ZNF528: variants seen among roughly 807,000 people sequenced by gnomAD.
ZNF528 encodes the protein zinc finger protein 528.
In ZNF528, 9 loss-of-function variants were observed where a neutral mutation model predicts 13.3. The ratio of observed to expected loss-of-function variants is 0.67; its 90% CI spans 0.41 to 1.18. The LOEUF is 1.18. Among genes scored for constraint, ZNF528 ranks in the 50% most tolerant of loss-of-function variants. ZNF528 has a pLI of 0.01. For missense variants in ZNF528, 858 were observed against 745.4 expected (o/e 1.15, Z -1.76); for synonymous variants, 264 against 254.3 (o/e 1.04, Z -0.36).
At chr19:52,410,940 T>A (rs2058923382) in intron 6 of ZNF528, among the ~76,000 whole-genome samples, 1 of 152,216 alleles carries the variant, frequency 6.6e-6, no homozygotes, top group Non-Finnish European at 1.5e-5. Flanking sequence ...ATAATGTGTC[T>A]TTACCAAGAA....
rs370292428 is a variant in ZNF528, at chr19:52,415,108, T to C, written c.272-16T>C. On this transcript the variant is annotated splice_polypyrimidine_tract_variant and intron_variant, in intron 6 of 6. Coordinates refer to ENST00000360465, the MANE Select transcript of ZNF528 (RefSeq NM_032423.3). ...TTATCATGGGTTGAAGTTCCACTTT[T>C]TTCTTTCTGTTTTAGAGAGGAGCTC... 1.1e-4 allele frequency: 175 copies of C among 1,609,934 alleles called. No homozygotes were observed. The African/African-American group carries it at 1.8e-3, about 16-fold the overall frequency.
Position 52,416,040 on chromosome 19 carries a change from G to T in ZNF528, c.1188G>T (p.Leu396=), listed in dbSNP as rs778210995. 6 of 1,613,914 alleles carry T rather than the reference G, an allele frequency of 3.7e-6. No individual in the cohort carries two copies. Among genetic ancestry groups the T allele is most frequent in the Non-Finnish European group, 2.5e-6 (3 of 1,180,026 alleles). The change falls in exon 7 of 7, where the codon CTG becomes CTT. Residue 396 remains leucine, a synonymous_variant. Transcript: ENST00000360465. ...AGGTCTTTGGGCGCAAGTGTTTCCT[G>T]ACCTCTCATCAGAGAATTCATACTA... is the stretch of plus-strand genomic sequence containing the variant. ...CDKVFGRKCF[L]TSHQRIHTRE...
intron 4 of ZNF528, among the ~76,000 whole-genome samples, chr19:52,405,433 A>T (rs1191225970): frequency 1.3e-5 from 2 of 152,072 alleles, no homozygotes; most frequent in African/African-American, 2.4e-5. Context: ...CCAGAGGCTG[A>T]GGTTGGAGGA....
Position 52,405,965 on chromosome 19 carries a change from T to C in ZNF528, c.74T>C (p.Leu25Pro). ...TTCTCTCAGGAAGAGTGGAAATGCC[T>C]GGACCCTGCGCAGAGGACTTTATAC... Reference protein sequence around the residue: ...IEFSQEEWKCLDPAQRTLYRD... With the variant: ...IEFSQEEWKCPDPAQRTLYRD... The change falls in exon 5 of 7, where the codon CTG becomes CCG. Residue 25 changes from leucine (L) to proline (P), a missense_variant. Coordinates refer to ENST00000360465, the MANE Select transcript of ZNF528 (RefSeq NM_032423.3). The C allele has an allele frequency of 6.2e-7, 1 of 1,612,354 alleles. No homozygotes were observed. Among genetic ancestry groups the C allele is most frequent in the Non-Finnish European group, 8.5e-7 (1 of 1,178,754 alleles).
chr19:52,417,451 GACC>G lies in ZNF528; in HGVS notation c.*714_*716del, dbSNP rs1263521660. The G allele has an allele frequency of 1.3e-5, 2 of 157,136 alleles. No individual in the cohort carries two copies. The highest frequency in any genetic ancestry group is 1.3e-4 in the Admixed American group (2 of 15,434). The allele number at this position is 157,136 out of a possible 1,614,324, so 9.7% of individuals were successfully genotyped here. A position where few individuals can be genotyped will look rare whatever the true frequency, so the allele number is the denominator to read the frequency against. On this transcript the variant is annotated 3_prime_UTR_variant, in exon 7 of 7. Transcript: ENST00000360465. Reference sequence around the variant, plus strand: ...CACAGAGCTTCAGTGTCCACCAACTGACCATGAAATAGAGTATGCTGTAATCTT... The same window carrying G: ...CACAGAGCTTCAGTGTCCACCAACTGATGAAATAGAGTATGCTGTAATCTT...
At chr19:52,410,045 A>T (rs1464584446) in intron 6 of ZNF528, among the ~76,000 whole-genome samples, 1 of 151,886 alleles carries the variant, frequency 6.6e-6, no homozygotes, top group African/African-American at 2.4e-5. Context: ...CAAGTTATCC[A>T]TCCCCCCTTG....
chr19:52,415,512 G>C lies in ZNF528; in HGVS notation c.660G>C (p.Lys220Asn), dbSNP rs1421198256. 6.2e-7 allele frequency: 1 copy of C among 1,614,182 alleles called. No individual in the cohort carries two copies. Among genetic ancestry groups the C allele is most frequent in the Non-Finnish European group, 8.5e-7 (1 of 1,180,034 alleles). Residue 220 changes from lysine (K) to asparagine (N), a missense_variant, in exon 7 of 7, where the codon AAG becomes AAC. Transcript: ENST00000360465. ...CTTACAAATGCAGTGAATGTGGCAA[G>C]GTCTTTAGTTGCAGTTCAAAGCTTG... ...DNPYKCSECGKVFSCSSKLVI... is the reference protein window; with the variant it reads ...DNPYKCSECGNVFSCSSKLVI...
intron 4 of ZNF528, 149 bp from the exon 5 acceptor site, chr19:52,405,758 A>G: frequency 1.0e-6 from 1 of 970,148 alleles, no homozygotes. Flanking sequence ...CCACAATTAC[A>G]GACACGTAAC....
At chr19:52,406,827 G>A in intron 6 of ZNF528, 184 bp downstream of exon 6, 1 of 706,170 alleles carries the variant, frequency 1.4e-6, no homozygotes, top group Admixed American at 3.6e-5. Context: ...ATGAGCCACT[G>A]TACCCTGCAA....
At chr19:52,405,071 G>T (rs2058838728) in intron 4 of ZNF528, among the ~76,000 whole-genome samples, 1 of 151,878 alleles carries the variant, frequency 6.6e-6, no homozygotes, top group Non-Finnish European at 1.5e-5. Context: ...CAAAAAATTA[G>T]CTGGTCGTGG....
At chr19:52,404,294 C>T (rs1344171003) in intron 4 of ZNF528, among the ~76,000 whole-genome samples, 1 of 152,182 alleles carries the variant, frequency 6.6e-6, no homozygotes, top group Admixed American at 6.5e-5. Context: ...GTGGCGAGAT[C>T]TTGGCTCGCT....
At chr19:52,407,266 A>G (rs953018993) in intron 6 of ZNF528, among the ~76,000 whole-genome samples, 3 of 151,898 alleles carry the variant, frequency 2.0e-5, no homozygotes, top group Non-Finnish European at 2.9e-5. Context: ...AGCCTCCTGA[A>G]TAGCTGGGAC....
rs779127832 is a variant in ZNF528, at chr19:52,406,505, T to C, written c.143-10T>C. On this transcript the variant is annotated splice_polypyrimidine_tract_variant and intron_variant, in intron 5 of 6. Coordinates refer to ENST00000360465, the MANE Select transcript of ZNF528 (RefSeq NM_032423.3). ...CCACAGCACACATTTATTCTTTCTT[T>C]TATAAATAGGAATCTGTCTTCCTGA... is the stretch of plus-strand genomic sequence containing the variant. 8.7e-6 allele frequency: 14 copies of C among 1,612,038 alleles called. No homozygotes were observed. The highest frequency in any genetic ancestry group is 6.7e-5 in the Admixed American group (4 of 59,332).
rs747583077 is a variant in ZNF528 at position 52,415,774 on chromosome 19, C to A, written c.922C>A (p.Gln308Lys). The A allele has an allele frequency of 2.4e-5, 38 of 1,613,776 alleles. No individual in the cohort carries two copies. The highest frequency in any genetic ancestry group is 3.0e-5 in the Non-Finnish European group (35 of 1,179,996). Reference sequence around the variant, plus strand: ...TCATGAATGTGACAAGGTCTTCAATCAAATTGCACACCTTGTACGACATCA... The same window carrying A: ...TCATGAATGTGACAAGGTCTTCAATAAAATTGCACACCTTGTACGACATCA... ...KCHECDKVFN[Q>K]IAHLVRHQKI... The change falls in exon 7 of 7, where the codon CAA becomes AAA. Residue 308 changes from glutamine (Q) to lysine (K), a missense_variant. Transcript: ENST00000360465.
At chr19:52,403,323 C>T (rs1245755162) in intron 4 of ZNF528, among the ~76,000 whole-genome samples, 7 of 152,006 alleles carry the variant, frequency 4.6e-5, no homozygotes, top group African/African-American at 1.7e-4. Flanking sequence ...TATTGAGACC[C>T]TGTGTCTAAA....
intron 6 of ZNF528, chr19:52,414,524 G>A: frequency 3.6e-6 from 2 of 555,946 alleles, no homozygotes; most frequent in Non-Finnish European, 6.4e-6. Flanking sequence ...TTGCAAGACT[G>A]CATTCTTTGA....
Position 52,407,315 on chromosome 19 carries a change from T to C in ZNF528, c.271+672T>C, listed in dbSNP as rs528378555. Among the ~76,000 whole-genome samples, 404 of 152,202 alleles carry C rather than the reference T, an allele frequency of 2.7e-3. 2 individuals carry two copies. The highest frequency in any genetic ancestry group is 4.6e-3 in the Non-Finnish European group (313 of 68,000). On this transcript the variant is annotated intron_variant, in intron 6 of 6. Transcript: ENST00000360465. ...CACCATGCCTGGCTAATTTTTTGTA[T>C]TTTTTGTGGAGTTGGGGTTTCACCA...
chr19:52,402,318 A>T (rs1465828665), intron 4 of ZNF528: 2 of 563,542 alleles, frequency 3.5e-6, no homozygotes, highest in East Asian at 3.0e-5. Context: ...GGCAGCAGGG[A>T]TTGTTCAGGG....
At chr19:52,409,631 A>G (rs1331580288) in intron 6 of ZNF528, among the ~76,000 whole-genome samples, 1 of 151,612 alleles carries the variant, frequency 6.6e-6, no homozygotes, top group Non-Finnish European at 1.5e-5. Context: ...TTGTTTGTTT[A>G]TTTCAATGTC....
Sources: gnomAD v4.1 joint callset for allele counts (sites outside exome capture counted in the v4.1 genomes callset) on GRCh38, gnomAD v4.1.1 for gene constraint, MANE v1.5 for transcripts, NCBI Gene and HGNC (gene_info 2026-07-23, HGNC 2026-07-21) for gene names.